ST6GALNAC3: variants seen among roughly 807,000 people sequenced by gnomAD.
ST6GALNAC3 encodes the protein alpha-N-acetylgalactosaminide alpha-2,6-sialyltransferase 3.
In ST6GALNAC3, 25 loss-of-function variants were observed where a neutral mutation model predicts 32.7. The ratio of observed to expected loss-of-function variants is 0.76; its 90% CI spans 0.56 to 1.07. The LOEUF (loss-of-function observed/expected upper bound fraction) is 1.07, where lower values mean the gene tolerates loss of function less well. ST6GALNAC3 is among the 50% of genes least tolerant of loss of function. The probability of loss-of-function intolerance (pLI) is 0.00; values close to 1 mark genes in which losing one functional copy is unlikely to be tolerated. For synonymous variants in ST6GALNAC3, 129 were observed against 133.1 expected, an observed-to-expected ratio of 0.97 and a Z score of 0.21; for missense variants, 355 against 382.4, an observed-to-expected ratio of 0.93 and a Z score of 0.60.
chr1:76,404,375 T>G (rs1428038796), intron 2 of ST6GALNAC3, among the ~76,000 whole-genome samples: 1 of 152,116 alleles, frequency 6.6e-6, no homozygotes, highest in Non-Finnish European at 1.5e-5. Flanking sequence ...CACAATTCTT[T>G]GCTCACAGTT....
At chr1:76,200,610 A>T (rs1654462338) in intron 1 of ST6GALNAC3, among the ~76,000 whole-genome samples, 1 of 152,210 alleles carries the variant, frequency 6.6e-6, no homozygotes, top group South Asian at 2.1e-4. Flanking sequence ...CTTGTACATA[A>T]ATTAGATAAT....
At chr1:76,510,568 A>C (rs1471952562) in intron 3 of ST6GALNAC3, among the ~76,000 whole-genome samples, 2 of 152,200 alleles carry the variant, frequency 1.3e-5, no homozygotes, top group South Asian at 2.1e-4. Context: ...TAATAACAAC[A>C]GACAGTTATA....
At chr1:76,174,097 CAAT>C (rs1194915657) in intron 1 of ST6GALNAC3, among the ~76,000 whole-genome samples, 1 of 152,062 alleles carries the variant, frequency 6.6e-6, no homozygotes, top group Non-Finnish European at 1.5e-5. Context: ...AAATGCCCGT[CAAT>C]GATAGAATGG....
At chr1:76,587,319 G>A (rs1483847817) in intron 3 of ST6GALNAC3, among the ~76,000 whole-genome samples, 1 of 152,164 alleles carries the variant, frequency 6.6e-6, no homozygotes. Context: ...AGTACACAGT[G>A]AGTGTGTACA....
At chr1:76,336,300 T>G (rs1647467222) in intron 2 of ST6GALNAC3, among the ~76,000 whole-genome samples, 1 of 152,234 alleles carries the variant, frequency 6.6e-6, no homozygotes, top group Admixed American at 6.5e-5. Context: ...TGTGTCTTAG[T>G]ATTGTATAGA....
chr1:76,246,711 T>A (rs1657283900), intron 1 of ST6GALNAC3, among the ~76,000 whole-genome samples: 1 of 152,180 alleles, frequency 6.6e-6, no homozygotes, highest in Non-Finnish European at 1.5e-5. Flanking sequence ...CCTGTAACCT[T>A]TTATCAAGGT....
intron 3 of ST6GALNAC3, among the ~76,000 whole-genome samples, chr1:76,478,014 A>G (rs183442318): frequency 2.6e-5 from 4 of 152,256 alleles, no homozygotes; most frequent in Admixed American, 2.6e-4. Context: ...TCCTCTTTGG[A>G]AGGGGAGTAG....
At chr1:76,230,289 T>C (rs1472054482) in intron 1 of ST6GALNAC3, among the ~76,000 whole-genome samples, 2 of 152,194 alleles carry the variant, frequency 1.3e-5, no homozygotes, top group Non-Finnish European at 2.9e-5. Flanking sequence ...TATTTTGTTA[T>C]TATATTTGGT....
intron 2 of ST6GALNAC3, among the ~76,000 whole-genome samples, chr1:76,348,745 C>CG (rs1648724011): frequency 6.6e-6 from 1 of 151,778 alleles, no homozygotes; most frequent in Non-Finnish European, 1.5e-5. Flanking sequence ...TGCATGCATG[C>CG]CTATATATAT....
chr1:76,323,425 G>A (rs1353069509), intron 2 of ST6GALNAC3, among the ~76,000 whole-genome samples: 2 of 152,114 alleles, frequency 1.3e-5, no homozygotes, highest in Admixed American at 6.5e-5. Context: ...GGCCCCCAAA[G>A]TATTGATTCT....
intron 1 of ST6GALNAC3, among the ~76,000 whole-genome samples, chr1:76,183,653 T>C (rs371310985): frequency 1.3e-5 from 2 of 151,946 alleles, no homozygotes; most frequent in South Asian, 2.1e-4. Flanking sequence ...CTATATGTTA[T>C]AGCCTATGAC....
At chr1:76,389,904 G>T (rs1652400729) in intron 2 of ST6GALNAC3, among the ~76,000 whole-genome samples, 1 of 151,932 alleles carries the variant, frequency 6.6e-6, no homozygotes, top group African/African-American at 2.4e-5. Context: ...GCCTTTTTTG[G>T]TACCATTTAC....
chr1:76,089,613 TTAAATTTTCC>T (rs1647016004), intron 1 of ST6GALNAC3, among the ~76,000 whole-genome samples: 1 of 152,254 alleles, frequency 6.6e-6, no homozygotes, highest in South Asian at 2.1e-4. Flanking sequence ...GTACAGGTTG[TTAAATTTTCC>T]ATTTGATGAA....
At chr1:76,373,698 T>C (rs964048563) in intron 2 of ST6GALNAC3, among the ~76,000 whole-genome samples, 1 of 152,178 alleles carries the variant, frequency 6.6e-6, no homozygotes, top group Non-Finnish European at 1.5e-5. Flanking sequence ...AGGTACATCA[T>C]TTTTTGTCCC....
intron 1 of ST6GALNAC3, among the ~76,000 whole-genome samples, chr1:76,108,605 G>A (rs1260556155): frequency 6.6e-6 from 1 of 152,196 alleles, no homozygotes; most frequent in African/African-American, 2.4e-5. Context: ...TAACTGTGTG[G>A]AATTACTTAT....
At chr1:76,418,087 C>T (rs1434732286) in intron 3 of ST6GALNAC3, among the ~76,000 whole-genome samples, 1 of 152,066 alleles carries the variant, frequency 6.6e-6, no homozygotes, top group Non-Finnish European at 1.5e-5. Context: ...AAGAAATCAG[C>T]GATGTGTCAT....
chr1:76,622,565 G>T (rs752582331), intron 3 of ST6GALNAC3, among the ~76,000 whole-genome samples: 27 of 152,006 alleles, frequency 1.8e-4, no homozygotes, highest in African/African-American at 6.3e-4. Flanking sequence ...TTAGGACCCA[G>T]ATGAGCTTGG....
At chr1:76,335,614 G>T (rs557109916) in intron 2 of ST6GALNAC3, among the ~76,000 whole-genome samples, 71 of 152,278 alleles carry the variant, frequency 4.7e-4, no homozygotes, top group Admixed American at 9.2e-4. Flanking sequence ...GCAGGAAATT[G>T]ATTTTTTTTC....
intron 3 of ST6GALNAC3, among the ~76,000 whole-genome samples, chr1:76,421,175 A>T (rs1023121936): frequency 2.0e-5 from 3 of 152,084 alleles, no homozygotes; most frequent in Admixed American, 2.0e-4. Flanking sequence ...AATACCAGTG[A>T]ATTTCAAAAT....
Sources: allele counts gnomAD v4.1 joint callset (sites outside exome capture counted in the v4.1 genomes callset), GRCh38; gene constraint gnomAD v4.1.1; transcripts MANE v1.5; gene names NCBI Gene and HGNC (gene_info 2026-07-23, HGNC 2026-07-21).